TMEM131: variants seen among roughly 807,000 people sequenced by gnomAD.
The protein encoded by TMEM131 is 2610524E03Rik.
In TMEM131, 66 loss-of-function variants were observed where a neutral mutation model predicts 211.6. The observed-to-expected ratio is 0.31, with a 90% CI of 0.26 to 0.38. The LOEUF is 0.38. Among genes scored for constraint, TMEM131 ranks in the 10% least tolerant of loss-of-function variants. TMEM131 has a pLI of 1.00. For missense variants in TMEM131, 2,036 were observed against 2,299.3 expected, an observed-to-expected ratio of 0.89 and a Z score of 2.34; for synonymous variants, 844 against 841.3, an observed-to-expected ratio of 1.00 and a Z score of -0.06.
intron 1 of TMEM131, among the ~76,000 whole-genome samples, chr2:97,986,823 G>A (rs1680047021): frequency 6.6e-6 from 1 of 152,170 alleles, no homozygotes; most frequent in African/African-American, 2.4e-5. Flanking sequence ...TTCGCCCAAA[G>A]GTTTGAAAGC....
chr2:97,848,684 A>G (rs1175783143), intron 5 of TMEM131, among the ~76,000 whole-genome samples: 1 of 152,020 alleles, frequency 6.6e-6, no homozygotes, highest in African/African-American at 2.4e-5. Context: ...TGAGAAGCTC[A>G]TGGATACACA....
At chr2:97,879,595 C>T (rs1416399920) in intron 4 of TMEM131, among the ~76,000 whole-genome samples, 1 of 152,152 alleles carries the variant, frequency 6.6e-6, no homozygotes, top group Non-Finnish European at 1.5e-5. Context: ...TGAGGGTCCA[C>T]ACGGATTTTC....
At chr2:97,886,488 T>C (rs984332870) in intron 4 of TMEM131, among the ~76,000 whole-genome samples, 4 of 152,178 alleles carry the variant, frequency 2.6e-5, no homozygotes, top group Admixed American at 6.5e-5. Flanking sequence ...GGTGCATCTG[T>C]GTCTAGGTGG....
intron 3 of TMEM131, among the ~76,000 whole-genome samples, chr2:97,901,606 A>T (rs1675856459): frequency 6.6e-6 from 1 of 152,230 alleles, no homozygotes; most frequent in African/African-American, 2.4e-5. Flanking sequence ...TCAGCCATAA[A>T]AAACAATAAA....
At chr2:97,852,394 G>A (rs558641640) in intron 5 of TMEM131, among the ~76,000 whole-genome samples, 2 of 151,180 alleles carry the variant, frequency 1.3e-5, no homozygotes, top group Non-Finnish European at 3.0e-5. Context: ...CTGACCTTAG[G>A]TGATCCACCT....
At chr2:97,884,090 G>A (rs548817966) in intron 4 of TMEM131, among the ~76,000 whole-genome samples, 2 of 152,044 alleles carry the variant, frequency 1.3e-5, no homozygotes, top group Non-Finnish European at 2.9e-5. Flanking sequence ...TATTGCTTTT[G>A]CTGTGCCCCA....
At chr2:97,875,042 T>C (rs1240595254) in intron 4 of TMEM131, among the ~76,000 whole-genome samples, 1 of 151,468 alleles carries the variant, frequency 6.6e-6, no homozygotes, top group Non-Finnish European at 1.5e-5. Context: ...CAAATGGAAA[T>C]GAAAAAAAGC....
intron 1 of TMEM131, among the ~76,000 whole-genome samples, chr2:97,952,147 A>G (rs1275231248): frequency 1.3e-5 from 2 of 149,836 alleles, no homozygotes; most frequent in African/African-American, 4.9e-5. Context: ...ACAGAGCGAG[A>G]CTCCATCTCC....
intron 1 of TMEM131, among the ~76,000 whole-genome samples, chr2:97,983,613 T>C (rs749412217): frequency 1.4e-4 from 21 of 152,178 alleles, no homozygotes; most frequent in Non-Finnish European, 2.6e-4. Context: ...AGCTGACCAA[T>C]GGTTACCTCC....
intron 7 of TMEM131, 54 bp from the exon 8 acceptor site, chr2:97,837,211 G>A: frequency 7.5e-7 from 1 of 1,337,162 alleles, no homozygotes; most frequent in South Asian, 1.4e-5. Flanking sequence ...CTCAAAGCAG[G>A]TGACTTGCTA....
At chr2:97,984,887 C>A (rs11675076) in intron 1 of TMEM131, among the ~76,000 whole-genome samples, 4 of 152,066 alleles carry the variant, frequency 2.6e-5, no homozygotes, top group Non-Finnish European at 4.4e-5. Context: ...AGCCTGGCAG[C>A]TGCAGGCAGC....
intron 33 of TMEM131, 138 bp from the exon 34 acceptor site, chr2:97,766,740 G>T: frequency 9.8e-7 from 1 of 1,025,162 alleles, no homozygotes; most frequent in Non-Finnish European, 1.4e-6. Flanking sequence ...ATCTACCCTT[G>T]GTCCTAACTC....
chr2:97,916,070 C>T (rs534951148), intron 2 of TMEM131, among the ~76,000 whole-genome samples: 67 of 152,218 alleles, frequency 4.4e-4, no homozygotes, highest in South Asian at 1.7e-3. Context: ...TGTGCCAGCA[C>T]GCCCAGCTAA....
intron 2 of TMEM131, among the ~76,000 whole-genome samples, chr2:97,910,820 T>C (rs1676261854): frequency 6.6e-6 from 1 of 152,212 alleles, no homozygotes; most frequent in South Asian, 2.1e-4. Context: ...TTGGTACCAG[T>C]ACCATGTTGT....
chr2:97,906,585 C>T (rs1272648702), intron 3 of TMEM131, among the ~76,000 whole-genome samples: 3 of 152,198 alleles, frequency 2.0e-5, no homozygotes, highest in Admixed American at 1.3e-4. Flanking sequence ...GGGACATTCA[C>T]TCTTGGAGTC....
intron 35 of TMEM131, chr2:97,765,423 G>A (rs1679112551): frequency 6.6e-6 from 1 of 152,354 alleles, no homozygotes; most frequent in Non-Finnish European, 1.5e-5. Flanking sequence ...CTTGCCCTCT[G>A]GTACACTCCA....
chr2:97,759,150 C>T (rs772555376), intron 39 of TMEM131, 97 bp from the exon 40 acceptor site: 35 of 1,476,506 alleles, frequency 2.4e-5, no homozygotes, highest in Non-Finnish European at 2.9e-5. Flanking sequence ...CCAACCACTG[C>T]TCCTGGAGCC....
At chr2:97,919,392 G>A (rs1454743701) in intron 2 of TMEM131, among the ~76,000 whole-genome samples, 1 of 151,976 alleles carries the variant, frequency 6.6e-6, no homozygotes, top group Non-Finnish European at 1.5e-5. Flanking sequence ...ACTTTCATTT[G>A]TAAAGGATAT....
chr2:97,937,231 G>GA (rs1336305587), intron 1 of TMEM131, among the ~76,000 whole-genome samples: 4 of 151,898 alleles, frequency 2.6e-5, no homozygotes, highest in African/African-American at 4.8e-5. Flanking sequence ...AAAGAAACTG[G>GA]AAAAAACAAG....
Sources: gnomAD v4.1 joint callset for allele counts (sites outside exome capture counted in the v4.1 genomes callset) on GRCh38, gnomAD v4.1.1 for gene constraint, MANE v1.5 for transcripts, NCBI Gene and HGNC (gene_info 2026-07-23, HGNC 2026-07-21) for gene names.